The following UVRAG variants were observed in gnomAD, a reference collection of about 807,000 sequenced individuals.
UVRAG encodes UV radiation resistance associated.
In UVRAG, 19 loss-of-function variants were observed where a neutral mutation model predicts 78.0. That is an observed-to-expected ratio of 0.24 (90% CI 0.17 to 0.36). UVRAG has a LOEUF of 0.36. Among genes scored for constraint, UVRAG ranks in the 10% least tolerant of loss-of-function variants. UVRAG has a pLI of 1.00. For synonymous variants in UVRAG, 323 were observed against 324.6 expected, an observed-to-expected ratio of 1.00 and a Z score of 0.05; for missense variants, 740 against 853.8, an observed-to-expected ratio of 0.87 and a Z score of 1.66.
intron 1 of UVRAG, chr11:75,837,447 T>C (rs1290760940): frequency 6.6e-6 from 1 of 152,144 alleles, no homozygotes; most frequent in Non-Finnish European, 1.5e-5. Flanking sequence ...AGATTACTTA[T>C]AATATCTAAT....
chr11:75,901,816 C>A (rs1947506637), intron 5 of UVRAG, among the ~76,000 whole-genome samples: 1 of 152,196 alleles, frequency 6.6e-6, no homozygotes, highest in African/African-American at 2.4e-5. Context: ...TTAACACTTT[C>A]TCAGGCTAAG....
At chr11:75,879,500 A>G (rs1258910993) in intron 3 of UVRAG, among the ~76,000 whole-genome samples, 1 of 152,192 alleles carries the variant, frequency 6.6e-6, no homozygotes, top group Non-Finnish European at 1.5e-5. Context: ...ACTTTGCACA[A>G]AACAGTGTAA....
chr11:76,045,631 T>C (rs1950737428), intron 12 of UVRAG, among the ~76,000 whole-genome samples: 1 of 148,222 alleles, frequency 6.7e-6, no homozygotes, highest in Non-Finnish European at 1.5e-5. Context: ...AGATGAAGCG[T>C]GGCAAATTAA....
intron 1 of UVRAG, among the ~76,000 whole-genome samples, chr11:75,842,883 TG>T (rs762098325): frequency 6.6e-6 from 1 of 152,224 alleles, no homozygotes; most frequent in Non-Finnish European, 1.5e-5. Context: ...CTTGTGGCCC[TG>T]GGAGTTGTGA....
At chr11:75,889,896 T>A (rs1947178591) in intron 5 of UVRAG, among the ~76,000 whole-genome samples, 1 of 152,210 alleles carries the variant, frequency 6.6e-6, no homozygotes, top group Admixed American at 6.5e-5. Flanking sequence ...TTCTAAGGGC[T>A]CAAGAAAGGT....
chr11:76,059,560 G>A (rs1030405552), intron 12 of UVRAG, among the ~76,000 whole-genome samples: 1 of 152,192 alleles, frequency 6.6e-6, no homozygotes, highest in Non-Finnish European at 1.5e-5. Context: ...TGGGAGTCGA[G>A]TGCTATTGGC....
intron 1 of UVRAG, among the ~76,000 whole-genome samples, chr11:75,821,308 GT>G (rs1945380354): frequency 6.6e-6 from 1 of 152,076 alleles, no homozygotes; most frequent in Admixed American, 6.6e-5. Context: ...ACTACATTTT[GT>G]TTATTCATTC....
intron 13 of UVRAG, among the ~76,000 whole-genome samples, chr11:76,097,171 C>G (rs985879827): frequency 1.3e-5 from 2 of 152,166 alleles, no homozygotes; most frequent in African/African-American, 4.8e-5. Context: ...GCCTGTATAA[C>G]TGCTCGACCC....
At chr11:76,085,929 G>A (rs972124533) in intron 13 of UVRAG, among the ~76,000 whole-genome samples, 21 of 152,098 alleles carry the variant, frequency 1.4e-4, no homozygotes, top group African/African-American at 5.1e-4. Flanking sequence ...CCCCATGCCT[G>A]CTGACACCCA....
At chr11:75,931,820 A>G (rs556688217) in intron 6 of UVRAG, among the ~76,000 whole-genome samples, 2 of 152,088 alleles carry the variant, frequency 1.3e-5, no homozygotes, top group Non-Finnish European at 2.9e-5. Flanking sequence ...TTTGTTAGCT[A>G]TCTCATTTTT....
At position 75,828,345 on chromosome 11, in the gene UVRAG, C is replaced by G. The variant is rs1277432519; in HGVS notation, c.117+12821C>G. Among the ~76,000 whole-genome samples, 4 of 151,438 alleles carry G rather than the reference C, an allele frequency of 2.6e-5. No individual in the cohort carries two copies. In the East Asian group the frequency reaches 5.8e-4, roughly 22 times the overall value. ...AGTATAAATTGGGTGCCGTGCTATG[C>G]ACCTGTAATCCTAGCCTACCTGGGA... is the stretch of plus-strand genomic sequence containing the variant. On this transcript the variant is annotated intron_variant, in intron 1 of 14. Coordinates refer to ENST00000356136, the MANE Select transcript of UVRAG (RefSeq NM_003369.4).
chr11:76,073,726 T>G (rs944960038), intron 13 of UVRAG, among the ~76,000 whole-genome samples: 1 of 152,208 alleles, frequency 6.6e-6, no homozygotes, highest in African/African-American at 2.4e-5. Context: ...GTATGAAAAC[T>G]TTATTGATAG....
intron 1 of UVRAG, among the ~76,000 whole-genome samples, chr11:75,830,960 C>T (rs948341135): frequency 2.0e-5 from 3 of 152,094 alleles, no homozygotes; most frequent in Non-Finnish European, 4.4e-5. Context: ...GTTAGGCAAC[C>T]TAGAAGTTAT....
intron 3 of UVRAG, among the ~76,000 whole-genome samples, chr11:75,879,381 T>TAG (rs1374448932): frequency 6.6e-6 from 1 of 152,230 alleles, no homozygotes; most frequent in Non-Finnish European, 1.5e-5. Context: ...AAAGCCCACT[T>TAG]ATCTGTTAAA....
chr11:75,933,758 A>G (rs185267775), intron 6 of UVRAG, among the ~76,000 whole-genome samples: 1 of 152,382 alleles, frequency 6.6e-6, no homozygotes, highest in African/African-American at 2.4e-5. Flanking sequence ...GGTGCTCAAC[A>G]TCACTGATCA....
intron 13 of UVRAG, among the ~76,000 whole-genome samples, chr11:76,066,349 G>A (rs1328892042): frequency 6.6e-6 from 1 of 151,978 alleles, no homozygotes; most frequent in Non-Finnish European, 1.5e-5. Flanking sequence ...CAGATGCCTA[G>A]GTTTGTATTT....
chr11:76,112,324 T>C (rs1256413964), intron 13 of UVRAG, among the ~76,000 whole-genome samples: 2 of 152,152 alleles, frequency 1.3e-5, no homozygotes, highest in African/African-American at 4.8e-5. Flanking sequence ...TTTGCAGCCA[T>C]GAGTTCTATA....
At position 75,911,676 on chromosome 11, in the gene UVRAG, C is replaced by T. The variant is rs1947742664; in HGVS notation, c.508-278C>T. On this transcript the variant is annotated intron_variant, in intron 5 of 14. Coordinates refer to ENST00000356136, the MANE Select transcript of UVRAG (RefSeq NM_003369.4). ...TGGGGCGGCACCTGCTGGGCTGGCA[C>T]TGTGGTGGGAGGGAAGGCCGCGGGA... is the stretch of plus-strand genomic sequence containing the variant. The T allele has an allele frequency of 1.9e-5, 5 of 261,558 alleles. No homozygotes were observed. The South Asian group carries it at 3.3e-4, about 17-fold the overall frequency. 16.2% of individuals were successfully genotyped at this position (261,558 alleles called of 1,614,324 possible). A position where few individuals can be genotyped will look rare whatever the true frequency, so the allele number is the denominator to read the frequency against.
intron 8 of UVRAG, among the ~76,000 whole-genome samples, chr11:75,999,687 A>C (rs1949774937): frequency 6.6e-6 from 1 of 152,016 alleles, no homozygotes; most frequent in Non-Finnish European, 1.5e-5. Context: ...CCATATTTTT[A>C]GTTTTTTTAT....
Sources: gnomAD v4.1 joint callset for allele counts (sites outside exome capture counted in the v4.1 genomes callset) on GRCh38, gnomAD v4.1.1 for gene constraint, MANE v1.5 for transcripts, NCBI Gene and HGNC (gene_info 2026-07-23, HGNC 2026-07-21) for gene names.